Variants in SORCS1 observed in about 807,000 individuals in gnomAD.
The protein encoded by SORCS1 is sortilin related VPS10 domain containing receptor 1.
A neutral mutation model predicts 146.1 loss-of-function variants in SORCS1; 60 were observed. The observed-to-expected ratio is 0.41, with a 90% CI of 0.33 to 0.51. SORCS1 has a LOEUF of 0.51. SORCS1 is among the 20% of genes least tolerant of loss of function. The probability of loss-of-function intolerance (pLI) is 0.21; values close to 1 mark genes in which losing one functional copy is unlikely to be tolerated. For synonymous variants in SORCS1, 637 were observed against 584.0 expected (o/e 1.09, Z -1.31); for missense variants, 1,352 against 1,487.6 (o/e 0.91, Z 1.50).
chr10:106,994,749 T>G (rs1336931985), intron 1 of SORCS1, among the ~76,000 whole-genome samples: 1 of 152,198 alleles, frequency 6.6e-6, no homozygotes, highest in Non-Finnish European at 1.5e-5. Flanking sequence ...GGATATAACA[T>G]TCTGAAATGG....
intron 2 of SORCS1, among the ~76,000 whole-genome samples, chr10:106,914,308 CT>C (rs1397445767): frequency 4.6e-5 from 7 of 152,124 alleles, no homozygotes; most frequent in African/African-American, 1.7e-4. Context: ...CTGTTACAGA[CT>C]GTTAAATTCG....
At chr10:107,115,018 ATAAGATACT>A (rs1268876230) in intron 1 of SORCS1, among the ~76,000 whole-genome samples, 1 of 152,122 alleles carries the variant, frequency 6.6e-6, no homozygotes, top group African/African-American at 2.4e-5. Flanking sequence ...AGCATCAAAA[ATAAGATACT>A]TAAGATAAAT....
At chr10:106,661,640 T>C (rs1190537557) in intron 17 of SORCS1, among the ~76,000 whole-genome samples, 8 of 152,200 alleles carry the variant, frequency 5.3e-5, no homozygotes, top group African/African-American at 1.7e-4. Flanking sequence ...TTACATACAG[T>C]GTGACATTTA....
chr10:106,769,457 C>A (rs1254469604), intron 4 of SORCS1, among the ~76,000 whole-genome samples: 3 of 145,804 alleles, frequency 2.1e-5, no homozygotes, highest in Non-Finnish European at 4.5e-5. Flanking sequence ...TGCACTCCAG[C>A]CTGGGTGACA....
intron 18 of SORCS1, among the ~76,000 whole-genome samples, chr10:106,642,836 C>T (rs141044978): frequency 9.5e-4 from 144 of 152,306 alleles, no homozygotes; most frequent in African/African-American, 3.4e-3. Context: ...TGTTTTTCCA[C>T]AAATGGATCC....
chr10:106,854,197 G>A (rs960359549), intron 2 of SORCS1, among the ~76,000 whole-genome samples: 1 of 151,996 alleles, frequency 6.6e-6, no homozygotes, highest in African/African-American at 2.4e-5. Context: ...TTATCATTAT[G>A]TAATGCCCCT....
intron 1 of SORCS1, among the ~76,000 whole-genome samples, chr10:107,022,937 A>T (rs1958210381): frequency 6.6e-6 from 1 of 152,196 alleles, no homozygotes; most frequent in Non-Finnish European, 1.5e-5. Context: ...GGCACTTTTC[A>T]ATAGAGTAAA....
intron 18 of SORCS1, among the ~76,000 whole-genome samples, chr10:106,641,957 C>T (rs1849099531): frequency 1.3e-5 from 2 of 152,034 alleles, no homozygotes; most frequent in South Asian, 4.1e-4. Flanking sequence ...AAAGTAAGTC[C>T]ATTAATGAAT....
chr10:106,843,221 T>G (rs12360161), intron 2 of SORCS1, among the ~76,000 whole-genome samples: 5,183 of 152,114 alleles, frequency 0.034, 122 homozygotes, highest in Non-Finnish European at 0.054. Flanking sequence ...TAGTGAAAAG[T>G]TTTTATGCTT....
chr10:106,983,185 T>C (rs1427749586), intron 1 of SORCS1, among the ~76,000 whole-genome samples: 4 of 141,518 alleles, frequency 2.8e-5, no homozygotes, highest in Non-Finnish European at 6.0e-5. Context: ...TATACATATT[T>C]CTCTATATAT....
intron 2 of SORCS1, among the ~76,000 whole-genome samples, chr10:106,885,566 G>C (rs1950965555): frequency 1.5e-5 from 2 of 129,516 alleles, no homozygotes; most frequent in Non-Finnish European, 3.0e-5. Context: ...GGGCTATCTG[G>C]AGGACAGTGA....
upstream of SORCS1, among the ~76,000 whole-genome samples, chr10:107,167,933 C>G (rs112436761): frequency 0.041 from 6,190 of 152,186 alleles, 407 homozygotes; most frequent in African/African-American, 0.14. Context: ...AGTGTGGACA[C>G]TCTGCCCTAC....
rs1958388186 is a variant in SORCS1, at chr10:107,026,065, C to T, written c.559-69485G>A. Reference sequence around the variant, plus strand: ...CACCATAGGTTGCAGGATTGAGATCCCCCCACACACATCAAAAGGAAATCA... The same window carrying T: ...CACCATAGGTTGCAGGATTGAGATCTCCCCACACACATCAAAAGGAAATCA... On this transcript the variant is annotated intron_variant, in intron 1 of 25. Transcript: ENST00000263054. Among the ~76,000 whole-genome samples the T allele has an allele frequency of 2.0e-5, 3 of 152,080 alleles. No homozygotes were observed. The East Asian group carries it at 5.8e-4, about 29-fold the overall frequency.
intron 18 of SORCS1, 131 bp downstream of exon 18, chr10:106,652,251 A>G: frequency 1.1e-6 from 1 of 927,084 alleles, no homozygotes; most frequent in Non-Finnish European, 1.5e-6. Flanking sequence ...CAAGGAACTA[A>G]AAGTAAAATA....
At chr10:106,773,624 C>G (rs1294527495) in intron 4 of SORCS1, among the ~76,000 whole-genome samples, 15 of 152,140 alleles carry the variant, frequency 9.9e-5, no homozygotes, top group Non-Finnish European at 2.9e-5. Flanking sequence ...TGGCTCTTTC[C>G]CATCTGTTCA....
intron 1 of SORCS1, among the ~76,000 whole-genome samples, chr10:107,159,529 G>C (rs964644577): frequency 2.6e-5 from 4 of 152,178 alleles, no homozygotes; most frequent in Non-Finnish European, 5.9e-5. Context: ...GCATTTACTA[G>C]GAATAAAGCA....
At chr10:106,762,291 T>C (rs1207732133) in intron 4 of SORCS1, among the ~76,000 whole-genome samples, 1 of 151,990 alleles carries the variant, frequency 6.6e-6, no homozygotes, top group Non-Finnish European at 1.5e-5. Context: ...GCCTAGCTTA[T>C]CTATGTAAGC....
intron 13 of SORCS1, among the ~76,000 whole-genome samples, chr10:106,675,856 G>A (rs1851987781): frequency 6.6e-6 from 1 of 152,132 alleles, no homozygotes; most frequent in South Asian, 2.1e-4. Context: ...CCTCAGAGAA[G>A]TGCCTTGCCC....
At chr10:106,578,682 C>A (rs2133187866) in intron 25 of SORCS1, 1 of 1,016,010 alleles carries the variant, frequency 9.8e-7, no homozygotes, top group East Asian at 9.3e-5. Context: ...GTTGAGGCTA[C>A]CATGTTTCAT....
Sources: gnomAD v4.1 joint callset for allele counts (sites outside exome capture counted in the v4.1 genomes callset) on GRCh38, gnomAD v4.1.1 for gene constraint, MANE v1.5 for transcripts, NCBI Gene and HGNC (gene_info 2026-07-23, HGNC 2026-07-21) for gene names.